Variants in PCDHA7 observed in about 807,000 individuals in gnomAD.
PCDHA7 encodes protocadherin alpha 7.
PCDHA7 carries 37 observed loss-of-function variants against 57.2 expected under a neutral mutation model. That is an observed-to-expected ratio of 0.65 (90% CI 0.50 to 0.85). The LOEUF is 0.85. Among genes scored for constraint, PCDHA7 ranks in the 40% least tolerant of loss-of-function variants. The pLI, the probability that PCDHA7 is intolerant of heterozygous loss-of-function variation, is 0.00. For synonymous variants in PCDHA7, 553 were observed against 558.8 expected (o/e 0.99, Z 0.15); for missense variants, 1,188 against 1,241.8 (o/e 0.96, Z 0.65).
rs1310560301 is a variant in PCDHA7, at chr5:140,838,419, C to T, written c.2355+1681C>T. On this transcript the variant is annotated intron_variant, in intron 1 of 3. Transcript: ENST00000525929. ...GATTACAGGAGTGAGCCACCGCATC[C>T]GGCCTAAATTATATATTGGGTTTTG... is the stretch of plus-strand genomic sequence containing the variant. Among the ~76,000 whole-genome samples, 7 of 151,450 alleles carry T rather than the reference C, an allele frequency of 4.6e-5. 1 individual carries two copies. The highest frequency in any genetic ancestry group is 2.1e-4 in the South Asian group (1 of 4,794).
At chr5:140,872,270 T>G (rs1246364406) in intron 1 of PCDHA7, among the ~76,000 whole-genome samples, 1 of 152,172 alleles carries the variant, frequency 6.6e-6, no homozygotes, top group African/African-American at 2.4e-5. Context: ...TCATATTGTT[T>G]GAAGAAAAAA....
intron 1 of PCDHA7, chr5:140,883,849 G>A (rs2059850853): frequency 1.2e-6 from 2 of 1,612,940 alleles, no homozygotes; most frequent in East Asian, 2.2e-5. Context: ...ACCACGAGGA[G>A]CTGGAGCTGT....
At chr5:140,901,452 A>G (rs1352830826) in intron 1 of PCDHA7, among the ~76,000 whole-genome samples, 1 of 152,120 alleles carries the variant, frequency 6.6e-6, no homozygotes, top group African/African-American at 2.4e-5. Flanking sequence ...TTCCCAGCAC[A>G]GACTGTCTTT....
At chr5:140,897,307 A>G (rs2065987327) in intron 1 of PCDHA7, among the ~76,000 whole-genome samples, 2 of 148,058 alleles carry the variant, frequency 1.4e-5, no homozygotes, top group African/African-American at 2.5e-5. Context: ...AGCATTAGGT[A>G]TATCTCCTAA....
chr5:140,847,731 T>C lies in PCDHA7; in HGVS notation c.2355+10993T>C, dbSNP rs1031856254. ...GTATAAATGCTACAAAAGAGAAAAA[T>C]ATATTTTCTCCCCACGCAACACAAG... On this transcript the variant is annotated intron_variant, in intron 1 of 3. Coordinates refer to ENST00000525929, the MANE Select transcript of PCDHA7 (RefSeq NM_018910.3). 2.7e-5 allele frequency: 4 copies of C among 149,230 alleles called. No homozygotes were observed. The East Asian group carries it at 7.8e-4, about 29-fold the overall frequency. The allele number at this position is 149,230 out of a possible 1,614,324, so 9.2% of individuals were successfully genotyped here. A position where few individuals can be genotyped will look rare whatever the true frequency, so the allele number is the denominator to read the frequency against.
chr5:140,889,403 C>T (rs1246037388), intron 1 of PCDHA7, among the ~76,000 whole-genome samples: 1 of 151,882 alleles, frequency 6.6e-6, no homozygotes, highest in Non-Finnish European at 1.5e-5. Flanking sequence ...TTAATTTACT[C>T]GAGTCAGTTA....
At chr5:140,876,884 G>A (rs782742455) in intron 1 of PCDHA7, 11 of 1,614,028 alleles carry the variant, frequency 6.8e-6, no homozygotes, top group East Asian at 2.2e-5. Flanking sequence ...AACCCGCCGG[G>A]CTGCCACATC....
chr5:140,841,068 A>G (rs1247313079), intron 1 of PCDHA7: 1 of 487,112 alleles, frequency 2.1e-6, no homozygotes, highest in African/African-American at 1.9e-5. Flanking sequence ...TATGATAAAG[A>G]AATAGAAAGT....
chr5:140,870,308 A>G, intron 1 of PCDHA7: 1 of 1,614,140 alleles, frequency 6.2e-7, no homozygotes, highest in Non-Finnish European at 8.5e-7. Context: ...ACCTTCAAGA[A>G]TTACTACTCG....
At chr5:140,952,746 T>C (rs1554220596) in intron 1 of PCDHA7, among the ~76,000 whole-genome samples, 1 of 152,190 alleles carries the variant, frequency 6.6e-6, no homozygotes, top group Non-Finnish European at 1.5e-5. Context: ...CACACTGCTA[T>C]AAAAACACCT....
chr5:140,879,019 T>C (rs1554170641), intron 1 of PCDHA7, among the ~76,000 whole-genome samples: 2 of 152,216 alleles, frequency 1.3e-5, no homozygotes, highest in African/African-American at 4.8e-5. Flanking sequence ...AGATAATGTT[T>C]TATTGAAGAG....
At chr5:140,968,639 GC>G in intron 1 of PCDHA7, 1 of 1,614,150 alleles carries the variant, frequency 6.2e-7, no homozygotes, top group Non-Finnish European at 8.5e-7. Context: ...TTACCATCTA[GC>G]CCAGACTTCT....
rs782014250 is a variant in PCDHA7, at chr5:140,883,952, G to T, written c.2355+47214G>T. On this transcript the variant is annotated intron_variant, in intron 1 of 3. Transcript: ENST00000525929. The stretch of plus-strand genomic sequence containing the variant: ...GTTCGTGCTGGACGAGAACGACAAC[G>T]CTCCGGCGCTGCTGACGCCCGGGGC... 2.0e-5 allele frequency: 32 copies of T among 1,613,030 alleles called. No individual in the cohort carries two copies. The highest frequency in any genetic ancestry group is 2.6e-5 in the Non-Finnish European group (31 of 1,179,806).
rs1777021029 is a variant in PCDHA7 at position 140,841,107 on chromosome 5, T to G, written c.2355+4369T>G. On this transcript the variant is annotated intron_variant, in intron 1 of 3. Coordinates refer to ENST00000525929, the MANE Select transcript of PCDHA7 (RefSeq NM_018910.3). ...TAGAAGAACCCAGATATTGCGGAAG[T>G]AATTCATGTAATCATTACCTTTTGA... 4 of 589,342 alleles carry G rather than the reference T, an allele frequency of 6.8e-6. No homozygotes were observed. In the South Asian group the frequency reaches 9.7e-5, roughly 14 times the overall value. The allele number at this position is 589,342 out of a possible 1,614,324, so 36.5% of individuals were successfully genotyped here. A position where few individuals can be genotyped will look rare whatever the true frequency, so the allele number is the denominator to read the frequency against.
chr5:140,861,503 C>G, intron 1 of PCDHA7: 1 of 478,536 alleles, frequency 2.1e-6, no homozygotes, highest in African/African-American at 2.0e-5. Flanking sequence ...TGATAGACCT[C>G]GAGGAGCTGT....
intron 1 of PCDHA7, chr5:140,871,504 C>CT: frequency 6.3e-7 from 1 of 1,581,824 alleles, no homozygotes; most frequent in South Asian, 1.1e-5. Flanking sequence ...GGTGAGTTTT[C>CT]TACAGATTCC....
chr5:140,884,460 C>A (rs782410675), intron 1 of PCDHA7: 72 of 1,613,614 alleles, frequency 4.5e-5, no homozygotes, highest in Non-Finnish European at 5.8e-5. Context: ...ACCGAGGGCG[C>A]GTGCGCGCCG....
chr5:140,955,987 A>G (rs1185683030), intron 1 of PCDHA7, among the ~76,000 whole-genome samples: 3 of 152,198 alleles, frequency 2.0e-5, no homozygotes, highest in African/African-American at 7.2e-5. Flanking sequence ...CAATTTTTGC[A>G]CATTGATTTT....
At chr5:140,979,525 T>A (rs1347519268) in intron 2 of PCDHA7, among the ~76,000 whole-genome samples, 1 of 152,244 alleles carries the variant, frequency 6.6e-6, no homozygotes, top group Non-Finnish European at 1.5e-5. Flanking sequence ...TGTTGCTATC[T>A]TATTGTCATC....
Sources: gnomAD v4.1 joint callset for allele counts (sites outside exome capture counted in the v4.1 genomes callset) on GRCh38, gnomAD v4.1.1 for gene constraint, MANE v1.5 for transcripts, NCBI Gene and HGNC (gene_info 2026-07-23, HGNC 2026-07-21) for gene names.